The following GSN variants were observed in gnomAD, a reference collection of about 807,000 sequenced individuals.
The protein encoded by GSN is gelsolin.
Under a neutral mutation model 85.7 loss-of-function variants are expected in GSN, and 56 were observed. That is an observed-to-expected ratio of 0.65 (90% CI 0.53 to 0.82). GSN has a LOEUF of 0.82. Among genes scored for constraint, GSN ranks in the 40% least tolerant of loss-of-function variants. The pLI, the probability that GSN is intolerant of heterozygous loss-of-function variation, is 0.00. For synonymous variants in GSN, 373 were observed against 399.1 expected (o/e 0.93, Z 0.78); for missense variants, 857 against 979.8 (o/e 0.87, Z 1.67).
At chr9:121,255,548 C>A (rs561626855) in intron 6 of GSN, among the ~76,000 whole-genome samples, 112 of 152,266 alleles carry the variant, frequency 7.4e-4, no homozygotes, top group African/African-American at 2.0e-3. Flanking sequence ...TGTATCTATT[C>A]TTTCCCCTCT....
intron 5 of GSN, among the ~76,000 whole-genome samples, chr9:121,236,501 C>T (rs2054496209): frequency 6.6e-6 from 1 of 152,142 alleles, no homozygotes; most frequent in South Asian, 2.1e-4. Flanking sequence ...GCATGAGCCA[C>T]CATGCCCGGC....
intron 16 of GSN, among the ~76,000 whole-genome samples, chr9:121,330,507 G>A (rs985961549): frequency 7.2e-5 from 11 of 152,232 alleles, no homozygotes; most frequent in South Asian, 2.1e-4. Flanking sequence ...CCCAGGAGGC[G>A]GAGGTTGCAG....
Position 121,329,681 on chromosome 9 carries a change from C to T in GSN, c.1965+366C>T, listed in dbSNP as rs970937872. 3.3e-5 allele frequency among the ~76,000 whole-genome samples: 5 copies of T among 152,288 alleles called. No homozygotes were observed. The highest frequency in any genetic ancestry group is 4.1e-4 in the South Asian group (2 of 4,828). On this transcript the variant is annotated intron_variant, in intron 16 of 17. Transcript: ENST00000432226. This position sits in a 1 kb window ranked among gnomAD's most constrained non-coding sequence, Gnocchi z 4.6. Reference sequence around the variant, plus strand: ...ATCTTGTTTGCAGGCATAAACTGTCCAGTGTCACCTAGAGGCTCTAGAGGG... The same window carrying T: ...ATCTTGTTTGCAGGCATAAACTGTCTAGTGTCACCTAGAGGCTCTAGAGGG...
At chr9:121,229,658 C>T (rs964067785) in intron 4 of GSN, among the ~76,000 whole-genome samples, 1 of 152,162 alleles carries the variant, frequency 6.6e-6, no homozygotes, top group Non-Finnish European at 1.5e-5. Flanking sequence ...GGGTGTCACA[C>T]ATGTTGTCAG....
intron 14 of GSN, among the ~76,000 whole-genome samples, chr9:121,328,488 A>G (rs1480370686): frequency 6.6e-6 from 1 of 152,238 alleles, no homozygotes; most frequent in Non-Finnish European, 1.5e-5. Flanking sequence ...GAGCAGGTAT[A>G]GTGGAAAGAG....
At chr9:121,281,441 G>C (rs987968863) in intron 1 of GSN, 29 bp from the exon 2 acceptor site, 37 of 372,258 alleles carry the variant, frequency 9.9e-5, no homozygotes, top group African/African-American at 7.7e-4. Flanking sequence ...CTCCCCCTGA[G>C]GCTGACATTC....
chr9:121,238,978 G>A, intron 5 of GSN: 1 of 527,722 alleles, frequency 1.9e-6, no homozygotes, highest in South Asian at 1.4e-5. Flanking sequence ...CACATTGATA[G>A]GTGGGTAAAT....
chr9:121,255,381 G>A (rs542051116), intron 6 of GSN, among the ~76,000 whole-genome samples: 12 of 152,300 alleles, frequency 7.9e-5, no homozygotes, highest in Middle Eastern at 3.4e-3. Context: ...GGGAGTAGGC[G>A]TGCGCCACGA....
intron 5 of GSN, among the ~76,000 whole-genome samples, chr9:121,231,487 A>G (rs2054386010): frequency 6.6e-6 from 1 of 152,194 alleles, no homozygotes; most frequent in Non-Finnish European, 1.5e-5. Context: ...AACTGAAGAA[A>G]CTGACCAGAA....
Position 121,332,480 on chromosome 9 carries a change from G to T in GSN, c.2073G>T (p.Thr691=). 1 of 1,613,970 alleles carries T rather than the reference G, an allele frequency of 6.2e-7. No individual in the cohort carries two copies. Among genetic ancestry groups the T allele is most frequent in the Non-Finnish European group, 8.5e-7 (1 of 1,179,870 alleles). Reference sequence around the variant, plus strand: ...ACCCAGCCAATCGGGATCGGCGGACGCCCATCACCGTGGTGAAGCAAGGCT... The same window carrying T: ...ACCCAGCCAATCGGGATCGGCGGACTCCCATCACCGTGGTGAAGCAAGGCT... ...ETDPANRDRR[T]PITVVKQGFE... is the part of the protein sequence containing the mutation. Residue 691 remains threonine, a synonymous_variant, in exon 18 of 18, where the codon ACG becomes ACT. Transcript: ENST00000432226. The surrounding 1 kb of genome is among the most constrained non-coding windows in gnomAD (Gnocchi z 4.8).
At chr9:121,314,172 C>T (rs1589088559) in intron 7 of GSN, 149 bp downstream of exon 7, 8 of 712,402 alleles carry the variant, frequency 1.1e-5, no homozygotes, top group East Asian at 2.7e-5. Context: ...AGTGGATGCT[C>T]GTGTACTTCC....
upstream of GSN, among the ~76,000 whole-genome samples, chr9:121,206,123 T>G: frequency 6.6e-6 from 1 of 152,266 alleles, no homozygotes; most frequent in Middle Eastern, 3.4e-3. Context: ...CAATTTGTAC[T>G]CTAAATTTTA....
At chr9:121,283,301 CTTTT>C (rs56834014) in intron 2 of GSN, 3 of 140,780 alleles carry the variant, frequency 2.1e-5, no homozygotes. Flanking sequence ...CTTTCTTTTT[CTTTT>C]TTTTTTTTTT....
intron 6 of GSN, among the ~76,000 whole-genome samples, chr9:121,252,484 A>G (rs550387234): frequency 4.6e-4 from 70 of 152,336 alleles, no homozygotes; most frequent in South Asian, 3.3e-3. Context: ...CCAAGTATCT[A>G]TCTACCTACT....
chr9:121,216,576 A>G (rs2054068297), intron 4 of GSN, among the ~76,000 whole-genome samples: 1 of 152,126 alleles, frequency 6.6e-6, no homozygotes, highest in Non-Finnish European at 1.5e-5. Context: ...GCCCAGCTCA[A>G]AAGCCACTTC....
intron 7 of GSN, among the ~76,000 whole-genome samples, chr9:121,315,250 T>C (rs2133575727): frequency 6.6e-6 from 1 of 152,352 alleles, no homozygotes; most frequent in East Asian, 1.9e-4. Flanking sequence ...CTTTCTATAA[T>C]AAATCTCAAC....
chr9:121,320,906 A>G (rs2062355632), intron 10 of GSN, among the ~76,000 whole-genome samples: 1 of 152,108 alleles, frequency 6.6e-6, no homozygotes, highest in African/African-American at 2.4e-5. Flanking sequence ...TGGTTAAGCC[A>G]GTTGTCTGAG....
intron 1 of GSN, among the ~76,000 whole-genome samples, chr9:121,274,984 C>T (rs189699889): frequency 3.0e-4 from 45 of 152,294 alleles, no homozygotes; most frequent in Admixed American, 1.4e-3. Context: ...CTAAATTTTG[C>T]CAAATTTCTG....
At position 121,328,968 on chromosome 9, in the gene GSN, C is replaced by T; in HGVS notation, c.1840C>T (p.His614Tyr). ...GCTGAAGGACAAGAAGATGGATGCC[C>T]ATCCTCCTCGCCTCTTTGCCTGCTC... The part of the protein sequence containing the change: ...PRLKDKKMDA[H>Y]PPRLFACSNK... The change falls in exon 15 of 18, where the codon CAT (histidine) becomes TAT (tyrosine). Residue 614 changes from histidine to tyrosine, a missense_variant. By Grantham distance (83) the His-to-Tyr change is moderately conservative (BLOSUM62 2). Coordinates refer to ENST00000432226, the MANE Select transcript of GSN (RefSeq NM_198252.3). The T allele has an allele frequency of 6.2e-7, 1 of 1,614,032 alleles. No individual in the cohort carries two copies. The highest frequency in any genetic ancestry group is 8.5e-7 in the Non-Finnish European group (1 of 1,180,020).
Sources: gnomAD v4.1 joint callset for allele counts (sites outside exome capture counted in the v4.1 genomes callset) on GRCh38, gnomAD v4.1.1 for gene constraint, Gnocchi (gnomAD v3.1) non-coding constraint, MANE v1.5 for transcripts, NCBI Gene and HGNC (gene_info 2026-07-23, HGNC 2026-07-21) for gene names.